SLCO4A1: variants seen among roughly 807,000 people sequenced by gnomAD.
SLCO4A1 encodes the protein colon organic anion transporter.
A neutral mutation model predicts 64.6 loss-of-function variants in SLCO4A1; 51 were observed. The ratio of observed to expected loss-of-function variants is 0.79; its 90% CI spans 0.63 to 1.00. The LOEUF (loss-of-function observed/expected upper bound fraction) is 1.00. SLCO4A1 is among the 50% of genes least tolerant of loss of function. SLCO4A1 has a pLI of 0.00. For missense variants in SLCO4A1, 919 were observed against 980.5 expected (o/e 0.94, Z 0.84); for synonymous variants, 471 against 444.9 (o/e 1.06, Z -0.74).
rs1209759279 is a variant in SLCO4A1 at position 62,651,836 on chromosome 20, G to A, written c.-96-4523G>A. 3 of 152,184 alleles carry A rather than the reference G, an allele frequency of 2.0e-5. No homozygotes were observed. In the East Asian group the frequency reaches 5.8e-4, roughly 29 times the overall value. 9.4% of individuals were successfully genotyped at this position (152,184 alleles called of 1,614,324 possible). A position where few individuals can be genotyped will look rare whatever the true frequency, so the allele number is the denominator to read the frequency against. On this transcript the variant is annotated intron_variant, in intron 1 of 11. Coordinates refer to ENST00000217159, the MANE Select transcript of SLCO4A1 (RefSeq NM_016354.4). ...TGCTTTGGCCCCAGCGTCTGGTCCT[G>A]AGGCCAGGGCTGAACAAACTGCCTG...
intron 11 of SLCO4A1, 29 bp downstream of exon 11, chr20:62,669,107 G>A: frequency 6.2e-7 from 1 of 1,601,014 alleles, no homozygotes; most frequent in Non-Finnish European, 8.5e-7. Flanking sequence ...GGGACAGAGG[G>A]TCTGCTCTGA....
intron 11 of SLCO4A1, 64 bp from the exon 12 acceptor site, chr20:62,671,686 C>T (rs1320189808): frequency 1.3e-5 from 19 of 1,510,108 alleles, no homozygotes; most frequent in South Asian, 1.2e-5. Flanking sequence ...TGGGACAGGC[C>T]CACCAGTATC....
chr20:62,646,228 G>A (rs1452397199), intron 1 of SLCO4A1, among the ~76,000 whole-genome samples: 1 of 152,042 alleles, frequency 6.6e-6, no homozygotes, highest in African/African-American at 2.4e-5. Flanking sequence ...TGCCTCCTGT[G>A]GTGCACAGGG....
downstream of SLCO4A1, among the ~76,000 whole-genome samples, chr20:62,686,377 C>T (rs987300555): frequency 3.3e-5 from 5 of 152,198 alleles, no homozygotes; most frequent in African/African-American, 1.2e-4. Context: ...CAGTTCTTCT[C>T]ATGTCACAGT....
chr20:62,687,455 T>C (rs1390606068), downstream of SLCO4A1, among the ~76,000 whole-genome samples: 3 of 152,158 alleles, frequency 2.0e-5, no homozygotes. Context: ...GCAGGGCAGG[T>C]GCGTCATCCG....
At chr20:62,653,348 G>GTCCC (rs1209151924) in intron 1 of SLCO4A1, among the ~76,000 whole-genome samples, 6 of 152,212 alleles carry the variant, frequency 3.9e-5, no homozygotes, top group Non-Finnish European at 8.8e-5. Flanking sequence ...CGTAAAACAA[G>GTCCC]CCTTGCCTGG....
In SLCO4A1 at chr20:62,661,852, G is replaced by A. The variant is rs8119890; in HGVS notation, c.1121+677G>A. Among the ~76,000 whole-genome samples, 221 of 151,736 alleles carry A rather than the reference G, an allele frequency of 1.5e-3. 3 individuals are homozygous for A. The highest frequency in any genetic ancestry group is 4.7e-3 in the African/African-American group (196 of 41,378). ...GTGAACCCGGGGCCCTGAGCCGGTG[G>A]GGTCCTAGAGGGACAACAGAGGGGC... On this transcript the variant is annotated intron_variant, in intron 5 of 11. Coordinates refer to ENST00000217159, the MANE Select transcript of SLCO4A1 (RefSeq NM_016354.4). The surrounding 1 kb of genome is among the most constrained non-coding windows in gnomAD (Gnocchi z 5.2).
rs551490472 is a variant in SLCO4A1 at position 62,658,815 on chromosome 20, C to G, written c.887+48C>G. 7 of 1,476,000 alleles carry G rather than the reference C, an allele frequency of 4.7e-6. No homozygotes were observed. In the South Asian group the frequency reaches 8.4e-5, roughly 18 times the overall value. 91.4% of individuals were successfully genotyped at this position (1,476,000 alleles called of 1,614,324 possible). On this transcript the variant is annotated intron_variant, in intron 3 of 11. Transcript: ENST00000217159. ...GCCTGCGCTGGAGAGGCCCACGTGTCTCTGGAAGGGGGTTCAGAGTCAGCA... is the reference window on the plus strand; with the variant it reads ...GCCTGCGCTGGAGAGGCCCACGTGTGTCTGGAAGGGGGTTCAGAGTCAGCA...
intron 1 of SLCO4A1, among the ~76,000 whole-genome samples, chr20:62,647,094 G>A (rs541000406): frequency 1.7e-4 from 26 of 152,370 alleles, no homozygotes; most frequent in African/African-American, 5.5e-4. Context: ...ATGCAAATTG[G>A]GGTGTACCAG....
chr20:62,681,976 C>T (rs913789220), intron 2 of SLCO4A1, among the ~76,000 whole-genome samples: 9 of 152,186 alleles, frequency 5.9e-5, no homozygotes, highest in Non-Finnish European at 1.3e-4. Context: ...GAACTGAGAG[C>T]TCAGACAGCA....
Position 62,644,171 on chromosome 20 carries a change from C to G in SLCO4A1, c.-97+1618C>G, listed in dbSNP as rs912261759. ...GACACCAGTAGGATGTTGCTCGGGC[C>G]GAGACCACACAGCCCGACTTCCCTC... On this transcript the variant is annotated intron_variant, in intron 1 of 11. Coordinates refer to ENST00000217159, the MANE Select transcript of SLCO4A1 (RefSeq NM_016354.4). This position sits in a 1 kb window ranked among gnomAD's most constrained non-coding sequence, Gnocchi z 5.4. 1.3e-5 allele frequency among the ~76,000 whole-genome samples: 2 copies of G among 152,064 alleles called. No homozygotes were observed. The highest frequency in any genetic ancestry group is 1.9e-4 in the East Asian group (1 of 5,174).
intron 7 of SLCO4A1, among the ~76,000 whole-genome samples, chr20:62,667,052 G>A (rs1986484287): frequency 6.6e-6 from 1 of 152,260 alleles, no homozygotes; most frequent in South Asian, 2.1e-4. Flanking sequence ...GGCCCCGGGA[G>A]TGCACCTGCA....
At chr20:62,653,611 G>A (rs1399744491) in intron 1 of SLCO4A1, among the ~76,000 whole-genome samples, 4 of 152,206 alleles carry the variant, frequency 2.6e-5, no homozygotes, top group Non-Finnish European at 5.9e-5. Context: ...CCGCCACGCT[G>A]ACCTTAGAGT....
At chr20:62,678,690 G>A (rs754422806) in intron 2 of SLCO4A1, among the ~76,000 whole-genome samples, 27 of 152,170 alleles carry the variant, frequency 1.8e-4, no homozygotes, top group Middle Eastern at 3.4e-3. Context: ...TCTAGGAAGT[G>A]AAAGGATAAA....
downstream of SLCO4A1, among the ~76,000 whole-genome samples, chr20:62,674,518 G>C (rs1987495540): frequency 6.6e-6 from 1 of 152,216 alleles, no homozygotes; most frequent in Admixed American, 6.5e-5. Flanking sequence ...CACGCGGTCT[G>C]GCCACCAAGG....
intron 5 of SLCO4A1, among the ~76,000 whole-genome samples, chr20:62,663,948 G>A (rs1043771491): frequency 6.6e-6 from 1 of 152,212 alleles, no homozygotes; most frequent in Non-Finnish European, 1.5e-5. Context: ...CGTTAGCCCT[G>A]CTCAGGCCTC....
At position 62,661,036 on chromosome 20, in the gene SLCO4A1, A is replaced by ACCCCCC; in HGVS notation, c.1010-28_1010-27insCCCCCC. Reference sequence around the variant, plus strand: ...CCACCTCCGGGAGCCCCCAGCCCCCAGCCCCAGCTCACTCTGTGCCCTTCC... The same window carrying ACCCCCC: ...CCACCTCCGGGAGCCCCCAGCCCCCACCCCCCGCCCCAGCTCACTCTGTGCCCTTCC... On this transcript the variant is annotated intron_variant, in intron 4 of 11. Coordinates refer to ENST00000217159, the MANE Select transcript of SLCO4A1 (RefSeq NM_016354.4). The surrounding 1 kb of genome is among the most constrained non-coding windows in gnomAD (Gnocchi z 5.2). The ACCCCCC allele has an allele frequency of 4.1e-6, 2 of 487,444 alleles. No individual in the cohort carries two copies. Among genetic ancestry groups the ACCCCCC allele is most frequent in the East Asian group, 6.1e-5 (1 of 16,344 alleles). 30.2% of individuals were successfully genotyped at this position (487,444 alleles called of 1,614,324 possible). A position where few individuals can be genotyped will look rare whatever the true frequency, so the allele number is the denominator to read the frequency against.
chr20:62,642,651 A>G, intron 1 of SLCO4A1, 98 bp downstream of exon 1: 1 of 161,868 alleles, frequency 6.2e-6, no homozygotes. Flanking sequence ...CAGGGGCTGG[A>G]GCGCCGGGGG....
chr20:62,674,226 T>G (rs1260107799), downstream of SLCO4A1, among the ~76,000 whole-genome samples: 1 of 151,416 alleles, frequency 6.6e-6, no homozygotes. Flanking sequence ...GGTACCGGAG[T>G]GTGGGTGTTG....
Sources: gnomAD v4.1 joint callset for allele counts (sites outside exome capture counted in the v4.1 genomes callset) on GRCh38, gnomAD v4.1.1 for gene constraint, Gnocchi (gnomAD v3.1) non-coding constraint, MANE v1.5 for transcripts, NCBI Gene and HGNC (gene_info 2026-07-23, HGNC 2026-07-21) for gene names.